The following KCNH1 variants were observed in gnomAD, a reference collection of about 807,000 sequenced individuals.
The protein encoded by KCNH1 is voltage-gated delayed rectifier potassium channel KCNH1.
In KCNH1, 27 loss-of-function variants were observed where a neutral mutation model predicts 69.2. The observed-to-expected ratio is 0.39, with a 90% confidence interval of 0.29 to 0.54. The LOEUF is 0.54. Ranked by LOEUF, KCNH1 falls within the 20% of genes least tolerant of loss-of-function variation. The pLI, the probability that KCNH1 is intolerant of heterozygous loss-of-function variation, is 0.68. For synonymous variants in KCNH1, 456 were observed against 487.7 expected, an observed-to-expected ratio of 0.93 and a Z score of 0.86; for missense variants, 798 against 1,261.6, an observed-to-expected ratio of 0.63 and a Z score of 5.57.
chr1:210,984,449 T>C (rs1688786615), intron 6 of KCNH1, among the ~76,000 whole-genome samples: 1 of 152,214 alleles, frequency 6.6e-6, no homozygotes, highest in South Asian at 2.1e-4. Flanking sequence ...ATACGTCCCA[T>C]CAATACCTAA....
chr1:210,963,934 G>A (rs1266229217), intron 6 of KCNH1, among the ~76,000 whole-genome samples: 2 of 152,042 alleles, frequency 1.3e-5, no homozygotes, highest in Non-Finnish European at 2.9e-5. Context: ...TTCAGGAAAT[G>A]TAGAGAACAC....
At chr1:210,763,888 C>T (rs1683569398) in intron 10 of KCNH1, among the ~76,000 whole-genome samples, 1 of 151,814 alleles carries the variant, frequency 6.6e-6, no homozygotes, top group Admixed American at 6.6e-5. Flanking sequence ...TCATATGGAA[C>T]CAAAAAACAG....
At position 210,681,811 on chromosome 1, in the gene KCNH1, T is replaced by C. The variant is rs1681273310; in HGVS notation, c.*1470A>G. 1 of 152,252 alleles carries C rather than the reference T, an allele frequency of 6.6e-6. No individual in the cohort carries two copies. The highest frequency in any genetic ancestry group is 6.5e-5 in the Admixed American group (1 of 15,288). 9.4% of individuals were successfully genotyped at this position (152,252 alleles called of 1,614,324 possible). On this transcript the variant is annotated 3_prime_UTR_variant, in exon 11 of 11. Coordinates refer to ENST00000271751, the MANE Select transcript of KCNH1 (RefSeq NM_172362.3). ...TCAGAGCTGAACTTCTAACCTTGCG[T>C]GTCAGTATTTGGGGTCCTGACACCT... is the stretch of plus-strand genomic sequence containing the variant.
chr1:211,062,107 T>C lies in KCNH1; in HGVS notation c.558+20673A>G, dbSNP rs576766953. Among the ~76,000 whole-genome samples the C allele has an allele frequency of 1.1e-4, 17 of 152,130 alleles. No homozygotes were observed. In the South Asian group the frequency reaches 2.9e-3, roughly 26 times the overall value. ...TAACCAAAATAGCACGGTACTCACA[T>C]AAAAACAGACACATAGACCAATAGA... On this transcript the variant is annotated intron_variant, in intron 5 of 10. Coordinates refer to ENST00000271751, the MANE Select transcript of KCNH1 (RefSeq NM_172362.3).
intron 7 of KCNH1, among the ~76,000 whole-genome samples, chr1:210,883,388 G>T (rs1686537902): frequency 6.6e-6 from 1 of 152,184 alleles, no homozygotes; most frequent in Non-Finnish European, 1.5e-5. Context: ...ATCTGGGGGT[G>T]GGGGAGTTTC....
intron 10 of KCNH1, among the ~76,000 whole-genome samples, chr1:210,749,650 G>T (rs1683237709): frequency 1.3e-5 from 2 of 151,918 alleles, no homozygotes; most frequent in South Asian, 4.2e-4. Flanking sequence ...CCAGTTTATA[G>T]AAATAACTTG....
At chr1:211,118,494 T>G (rs770887512) in intron 1 of KCNH1, among the ~76,000 whole-genome samples, 3 of 152,338 alleles carry the variant, frequency 2.0e-5, no homozygotes, top group Non-Finnish European at 4.4e-5. Flanking sequence ...CTGATGCTTT[T>G]TTACCCCCTA....
chr1:210,871,705 T>C (rs1574308996), intron 7 of KCNH1, among the ~76,000 whole-genome samples: 1 of 151,742 alleles, frequency 6.6e-6, no homozygotes, highest in Non-Finnish European at 1.5e-5. Context: ...ATATACACCA[T>C]GGAATACTAT....
At chr1:211,027,464 C>A (rs1273047075) in intron 5 of KCNH1, among the ~76,000 whole-genome samples, 1 of 151,746 alleles carries the variant, frequency 6.6e-6, no homozygotes, top group Non-Finnish European at 1.5e-5. Flanking sequence ...AGTTGCCGTG[C>A]CTGGTGGTAC....
At chr1:211,053,726 T>C (rs1040651502) in intron 5 of KCNH1, among the ~76,000 whole-genome samples, 2 of 152,072 alleles carry the variant, frequency 1.3e-5, no homozygotes, top group East Asian at 1.9e-4. Context: ...TTTGTGACAT[T>C]GATAAACTCA....
At chr1:211,089,214 T>G (rs1247657204) in intron 4 of KCNH1, among the ~76,000 whole-genome samples, 1 of 152,216 alleles carries the variant, frequency 6.6e-6, no homozygotes, top group Non-Finnish European at 1.5e-5. Flanking sequence ...AAAAAGCAAC[T>G]GGCCTTTCTA....
At chr1:210,774,119 C>G (rs1683806813) in intron 10 of KCNH1, among the ~76,000 whole-genome samples, 1 of 151,992 alleles carries the variant, frequency 6.6e-6, no homozygotes, top group South Asian at 2.1e-4. Context: ...AAGTTTGGGC[C>G]AGATGTGGAC....
At chr1:211,067,557 GCT>G (rs1271578491) in intron 5 of KCNH1, among the ~76,000 whole-genome samples, 1 of 152,184 alleles carries the variant, frequency 6.6e-6, no homozygotes, top group African/African-American at 2.4e-5. Context: ...ACAGGTGTTA[GCT>G]CTGTGTCTGC....
At chr1:210,964,457 G>A (rs757874453) in intron 6 of KCNH1, among the ~76,000 whole-genome samples, 1 of 151,950 alleles carries the variant, frequency 6.6e-6, no homozygotes, top group Non-Finnish European at 1.5e-5. Flanking sequence ...ACTACCATCA[G>A]AGAATACTAT....
chr1:210,911,025 G>A (rs1301691604), intron 7 of KCNH1, among the ~76,000 whole-genome samples: 1 of 151,516 alleles, frequency 6.6e-6, no homozygotes, highest in Non-Finnish European at 1.5e-5. Context: ...TAGATTGTAA[G>A]TTAACTGTGG....
intron 10 of KCNH1, among the ~76,000 whole-genome samples, chr1:210,687,297 G>T (rs1220221525): frequency 6.6e-6 from 1 of 152,228 alleles, no homozygotes. Context: ...TCACCCAGAG[G>T]CCCCATGGGT....
At chr1:210,814,889 G>A (rs541675125) in intron 7 of KCNH1, among the ~76,000 whole-genome samples, 7 of 152,308 alleles carry the variant, frequency 4.6e-5, no homozygotes, top group Admixed American at 3.3e-4. Context: ...AAATAGAAGA[G>A]TTTCTGGAGT....
intron 10 of KCNH1, among the ~76,000 whole-genome samples, chr1:210,748,775 G>T (rs113680309): frequency 6.6e-6 from 1 of 152,142 alleles, no homozygotes; most frequent in Non-Finnish European, 1.5e-5. Flanking sequence ...TCCCTGGCTG[G>T]ACTGTCTCAC....
At chr1:210,734,670 A>G (rs893457820) in intron 10 of KCNH1, among the ~76,000 whole-genome samples, 1 of 151,726 alleles carries the variant, frequency 6.6e-6, no homozygotes, top group Non-Finnish European at 1.5e-5. Context: ...CCTCTGCACC[A>G]TGTATGGAAG....
Sources: allele counts gnomAD v4.1 joint callset (sites outside exome capture counted in the v4.1 genomes callset), GRCh38; gene constraint gnomAD v4.1.1; transcripts MANE v1.5; gene names NCBI Gene and HGNC (gene_info 2026-07-23, HGNC 2026-07-21).